The following POMT2 variants were observed in gnomAD, a reference collection of about 807,000 sequenced individuals.
POMT2 encodes protein O-mannosyl-transferase 2.
Under a neutral mutation model 100.0 loss-of-function variants are expected in POMT2, and 75 were observed. That is an observed-to-expected ratio of 0.75 (90% CI 0.62 to 0.91). The LOEUF (loss-of-function observed/expected upper bound fraction) is 0.91, where lower values mean the gene tolerates loss of function less well. POMT2 is among the 40% of genes least tolerant of loss of function. The pLI is 0.00. For synonymous variants in POMT2, 378 were observed against 374.1 expected (o/e 1.01, Z -0.12); for missense variants, 940 against 955.1 (o/e 0.98, Z 0.21).
At chr14:77,278,285 C>T in intron 20 of POMT2, 109 bp downstream of exon 20, 1 of 933,764 alleles carries the variant, frequency 1.1e-6, no homozygotes, top group Non-Finnish European at 1.7e-6. Context: ...AACCTCCAGG[C>T]ATGGGCACTG....
At chr14:77,281,206 G>A (rs769419099) in intron 15 of POMT2, among the ~76,000 whole-genome samples, 3 of 152,064 alleles carry the variant, frequency 2.0e-5, no homozygotes, top group East Asian at 1.9e-4. Context: ...ACTCTCATGC[G>A]TGCCTAGACT....
In POMT2 at chr14:77,277,496, C is replaced by G. The variant is rs777010788; in HGVS notation, c.2148-15G>C. Reference sequence around the variant, plus strand: ...AGAGGTAGAAGCTGTGAGAGAGAACCAGTAGGAGGCAGTTGGCACCCCCAG... The same window carrying G: ...AGAGGTAGAAGCTGTGAGAGAGAACGAGTAGGAGGCAGTTGGCACCCCCAG... On this transcript the variant is annotated splice_polypyrimidine_tract_variant and intron_variant, in intron 20 of 20. Transcript: ENST00000261534. 2.9e-5 allele frequency: 46 copies of G among 1,580,870 alleles called. No individual in the cohort carries two copies. Among genetic ancestry groups the G allele is most frequent in the Non-Finnish European group, 3.9e-5 (45 of 1,149,950 alleles).
At chr14:77,291,566 T>G in intron 9 of POMT2, 186 bp from the exon 10 acceptor site, 2 of 717,100 alleles carry the variant, frequency 2.8e-6, no homozygotes, top group East Asian at 2.7e-5. Context: ...GTGAGTGAGA[T>G]TCTCTCCTTC....
intron 15 of POMT2, 146 bp from the exon 16 acceptor site, chr14:77,280,609 C>T (rs1890184280): frequency 6.7e-7 from 1 of 1,499,726 alleles, no homozygotes; most frequent in Non-Finnish European, 9.0e-7. Context: ...AATCAGGCAG[C>T]TGCTGTCTGC....
intron 12 of POMT2, 138 bp from the exon 13 acceptor site, chr14:77,285,770 G>T: frequency 9.5e-7 from 1 of 1,047,626 alleles, no homozygotes; most frequent in Non-Finnish European, 1.5e-6. Context: ...ATAGAGATGG[G>T]CAAGGTTACA....
chr14:77,297,855 G>A (rs1230245273), intron 8 of POMT2, among the ~76,000 whole-genome samples: 1 of 152,036 alleles, frequency 6.6e-6, no homozygotes, highest in Admixed American at 6.5e-5. Flanking sequence ...TCCCCAGCCA[G>A]CCTCGACTCT....
Position 77,320,438 on chromosome 14 carries a change from T to G in POMT2, c.244A>C (p.Ile82Leu). 6.5e-7 allele frequency: 1 copy of G among 1,546,572 alleles called. No individual in the cohort carries two copies. Among genetic ancestry groups the G allele is most frequent in the Non-Finnish European group, 8.7e-7 (1 of 1,146,856 alleles). ...CGAGTCCCTCCCATCACTCACCAGATGTGCGGCGGCTCGTCCAAGCGGTGG... is the reference window on the plus strand; with the variant it reads ...CGAGTCCCTCCCATCACTCACCAGAGGTGCGGCGGCTCGTCCAAGCGGTGG... The part of the protein sequence containing the change: ...RFHRLDEPPH[I>L]CWDETHFGKM... The change falls in exon 1 of 21, where the codon ATC (isoleucine) becomes CTC (leucine). Residue 82 changes from isoleucine (I) to leucine (L), a missense_variant. Coordinates refer to ENST00000261534, the MANE Select transcript of POMT2 (RefSeq NM_013382.7).
rs3209079 is a variant in POMT2 at position 77,278,850 on chromosome 14, A to C, written c.1911T>G (p.Leu637=). Residue 637 remains leucine (L), a synonymous_variant, in exon 19 of 21, where the codon CTT becomes CTG. Transcript: ENST00000261534. Reference sequence around the variant, plus strand: ...CGAGCAGGACCTGGCCGCCTCCTCGAAGCAGGACCTGGGACAACCCTGGGC... The same window carrying C: ...CGAGCAGGACCTGGCCGCCTCCTCGCAGCAGGACCTGGGACAACCCTGGGC... The part of the protein sequence containing the change: ...AEVAGLSQVL[L]RGGGQVLLGW... 1,301,631 of 1,613,018 alleles carry C rather than the reference A, an allele frequency of 0.81. 526,421 individuals carry two copies. Among genetic ancestry groups the C allele is most frequent in the East Asian group, 0.96 (43,294 of 44,868 alleles).
chr14:77,285,148 G>T, intron 13 of POMT2, 107 bp from the exon 14 acceptor site: 1 of 996,768 alleles, frequency 1.0e-6, no homozygotes, highest in Non-Finnish European at 1.5e-6. Context: ...TTTTCCACAT[G>T]GTGGCCATTA....
At chr14:77,300,832 A>C (rs1316497099) in intron 6 of POMT2, 4 of 479,990 alleles carry the variant, frequency 8.3e-6, no homozygotes, top group Admixed American at 7.3e-5. Context: ...AAAAAAAAAA[A>C]AGACAGACAT....
chr14:77,279,750 A>C, intron 18 of POMT2, 73 bp downstream of exon 18: 5 of 1,434,162 alleles, frequency 3.5e-6, no homozygotes, highest in Non-Finnish European at 3.8e-6. Context: ...ATCAGCAGGC[A>C]GCCGGCCCTC....
In POMT2 at chr14:77,296,229, CCATCCG is replaced by C. The variant is rs1890823763; in HGVS notation, c.1045_1050del (p.Arg349_Met350del). The C allele has an allele frequency of 6.8e-6, 11 of 1,608,746 alleles. No individual in the cohort carries two copies. The highest frequency in any genetic ancestry group is 6.8e-6 in the Non-Finnish European group (8 of 1,178,124). On this transcript the variant is annotated inframe_deletion, in exon 9 of 21. Coordinates refer to ENST00000261534, the MANE Select transcript of POMT2 (RefSeq NM_013382.7). ...CTGTGGGAGTGCAGATAGCCGATGGCCATCCGGAGGTTCTTCACAGTGATCACAGAG... is the reference window on the plus strand; with the variant it reads ...CTGTGGGAGTGCAGATAGCCGATGGCGAGGTTCTTCACAGTGATCACAGAG...
Position 77,285,483 on chromosome 14 carries a change from C to T in POMT2, c.1482G>A (p.Lys494=), listed in dbSNP as rs1201099459. ...ACAGCAAAACCCTAGAGACTTACCA[C>T]TTGGGCAGAACCTTTCCCGAGGAGC... ...VLGSSGKVLP[K]WGWEQLEVTC... is the part of the protein sequence containing the mutation. Residue 494 remains lysine, a splice_region_variant and synonymous_variant, in exon 13 of 21, where the codon AAG becomes AAA. Coordinates refer to ENST00000261534, the MANE Select transcript of POMT2 (RefSeq NM_013382.7). 3 of 1,614,084 alleles carry T rather than the reference C, an allele frequency of 1.9e-6. No individual in the cohort carries two copies. The East Asian group carries it at 6.7e-5, about 36-fold the overall frequency.
intron 3 of POMT2, among the ~76,000 whole-genome samples, chr14:77,305,502 G>A (rs1217895508): frequency 6.6e-6 from 1 of 152,182 alleles, no homozygotes; most frequent in Non-Finnish European, 1.5e-5. Context: ...GGAAGACACA[G>A]AATCACTTAA....
At chr14:77,310,405 G>A (rs1891395824) in intron 2 of POMT2, among the ~76,000 whole-genome samples, 1 of 152,184 alleles carries the variant, frequency 6.6e-6, no homozygotes, top group Non-Finnish European at 1.5e-5. Context: ...ATGAGATAAT[G>A]CCTCTAAGGT....
rs866619000 is a variant in POMT2, at chr14:77,287,006, A to G, written c.1254-184T>C. ...ACAAGAAATATCCTGAGAACTGGAG[A>G]AGAGATGAGCCCAAACCAGGAGAGA... On this transcript the variant is annotated intron_variant, in intron 11 of 20. Coordinates refer to ENST00000261534, the MANE Select transcript of POMT2 (RefSeq NM_013382.7). The G allele has an allele frequency of 4.5e-5, 57 of 1,267,200 alleles. No individual in the cohort carries two copies. The African/African-American group carries it at 7.5e-4, about 17-fold the overall frequency. 78.5% of individuals were successfully genotyped at this position (1,267,200 alleles called of 1,614,324 possible).
At chr14:77,281,337 T>A (rs950594649) in intron 15 of POMT2, among the ~76,000 whole-genome samples, 1 of 152,154 alleles carries the variant, frequency 6.6e-6, no homozygotes, top group South Asian at 2.1e-4. Flanking sequence ...TAATACTTTA[T>A]ACTGTACATC....
At chr14:77,298,905 G>A (rs891108502) in intron 7 of POMT2, 134 bp from the exon 8 acceptor site, 3 of 894,144 alleles carry the variant, frequency 3.4e-6, no homozygotes, top group South Asian at 2.8e-5. Flanking sequence ...GGTGGGTGAT[G>A]GAGTTGGAGA....
chr14:77,275,402 C>T lies in POMT2; in HGVS notation c.*1974G>A, dbSNP rs11159254. 62,867 of 151,802 alleles carry T rather than the reference C, an allele frequency of 0.41. 14,693 individuals are homozygous for T. Among genetic ancestry groups the T allele is most frequent in the Non-Finnish European group, 0.53 (35,918 of 67,824 alleles). The allele number at this position is 151,802 out of a possible 1,614,324, so 9.4% of individuals were successfully genotyped here. ...GGGCTTCTCCTTCCTCACCCTCATG[C>T]AAGGTGGCTGCCCCTCTGGCTCCTT... On this transcript the variant is annotated 3_prime_UTR_variant, in exon 21 of 21. Coordinates refer to ENST00000261534, the MANE Select transcript of POMT2 (RefSeq NM_013382.7).
Sources: allele counts gnomAD v4.1 joint callset (sites outside exome capture counted in the v4.1 genomes callset), GRCh38; gene constraint gnomAD v4.1.1; transcripts MANE v1.5; gene names NCBI Gene and HGNC (gene_info 2026-07-23, HGNC 2026-07-21).